Variants in BMAL2 observed in about 807,000 individuals in gnomAD.
The protein encoded by BMAL2 is basic helix-loop-helix ARNT like 2.
chr12:27,392,065 G>T, the BMAL2 span, among the ~76,000 whole-genome samples: 1 of 152,152 alleles, frequency 6.6e-6, no homozygotes, highest in African/African-American at 2.4e-5. Flanking sequence ...TTTAACACAG[G>T]AATATTCACA....
chr12:27,420,343 G>A, the BMAL2 span: 3 of 1,598,912 alleles, frequency 1.9e-6, no homozygotes, highest in Non-Finnish European at 2.6e-6. Flanking sequence ...TGTGTGAAAT[G>A]TATGACTTTA....
the BMAL2 span, chr12:27,390,027 G>C: frequency 6.4e-7 from 1 of 1,550,470 alleles, no homozygotes; most frequent in Non-Finnish European, 8.9e-7. Context: ...AAAATGTTAG[G>C]AGATAAATTT....
chr12:27,368,294 G>A, the BMAL2 span: 8 of 1,614,024 alleles, frequency 5.0e-6, 1 homozygote, highest in Admixed American at 3.3e-5. Context: ...CCAGTGCATT[G>A]CTCCTGTGGT....
At chr12:27,401,471 T>C in the BMAL2 span, 3 of 1,541,948 alleles carry the variant, frequency 1.9e-6, no homozygotes, top group Non-Finnish European at 2.7e-6. Context: ...CTTCACAACA[T>C]TGATTTTTAT....
chr12:27,337,469 C>G, the BMAL2 span, among the ~76,000 whole-genome samples: 1 of 152,278 alleles, frequency 6.6e-6, no homozygotes, highest in Admixed American at 6.5e-5. Flanking sequence ...AGGAACCTGC[C>G]TTTCCCCAAC....
At chr12:27,353,989 C>T in the BMAL2 span, among the ~76,000 whole-genome samples, 45 of 152,138 alleles carry the variant, frequency 3.0e-4, no homozygotes, top group Admixed American at 1.3e-4. Context: ...TTAGTTCAGC[C>T]ACTGTGGAAA....
At chr12:27,375,410 A>G in the BMAL2 span, among the ~76,000 whole-genome samples, 351 of 152,344 alleles carry the variant, frequency 2.3e-3, no homozygotes, top group African/African-American at 8.1e-3. Flanking sequence ...GAAACTACGC[A>G]GAAATATTCA....
the BMAL2 span, among the ~76,000 whole-genome samples, chr12:27,380,818 G>C: frequency 6.6e-6 from 1 of 151,422 alleles, no homozygotes; most frequent in African/African-American, 2.4e-5. Flanking sequence ...AAACAAGCCT[G>C]GGCAAAAAAA....
At chr12:27,389,297 G>C in the BMAL2 span, 1 of 1,555,186 alleles carries the variant, frequency 6.4e-7, no homozygotes, top group East Asian at 2.3e-5. Flanking sequence ...GATGCCAAAA[G>C]TAAGTGTCCA....
chr12:27,384,742 A>G, the BMAL2 span, among the ~76,000 whole-genome samples: 3 of 152,328 alleles, frequency 2.0e-5, no homozygotes, highest in African/African-American at 7.2e-5. Context: ...AATTATAGCA[A>G]TATACTGTAA....
At chr12:27,390,613 T>C in the BMAL2 span, 1 of 164,152 alleles carries the variant, frequency 6.1e-6, no homozygotes, top group Admixed American at 6.4e-5. Flanking sequence ...GAGCCTGATT[T>C]GACTAATTTT....
the BMAL2 span, among the ~76,000 whole-genome samples, chr12:27,384,858 G>A: frequency 6.6e-6 from 1 of 151,188 alleles, no homozygotes; most frequent in Non-Finnish European, 1.5e-5. Flanking sequence ...CACAGCTAAC[G>A]GGGGACTACT....
chr12:27,336,226 C>T, the BMAL2 span, among the ~76,000 whole-genome samples: 3 of 152,104 alleles, frequency 2.0e-5, no homozygotes, highest in African/African-American at 4.8e-5. Flanking sequence ...GCCATGTGCC[C>T]TACAGGAGGC....
the BMAL2 span, among the ~76,000 whole-genome samples, chr12:27,382,939 T>C: frequency 6.6e-6 from 1 of 152,258 alleles, no homozygotes; most frequent in Non-Finnish European, 1.5e-5. Context: ...AGCAATGTTA[T>C]GTTTTTATAA....
the BMAL2 span, among the ~76,000 whole-genome samples, chr12:27,346,951 G>C: frequency 1.3e-5 from 2 of 152,142 alleles, no homozygotes; most frequent in Non-Finnish European, 2.9e-5. Flanking sequence ...AGAGCCTGGT[G>C]CACCCTGCCC....
At chr12:27,420,312 A>G in the BMAL2 span, 80 of 1,554,238 alleles carry the variant, frequency 5.1e-5, no homozygotes, top group African/African-American at 1.0e-3. Flanking sequence ...TTTTTATCAC[A>G]ATCATTTTTT....
chr12:27,411,491 A>G, the BMAL2 span, among the ~76,000 whole-genome samples: 1 of 151,918 alleles, frequency 6.6e-6, no homozygotes, highest in African/African-American at 2.4e-5. Flanking sequence ...AGTGGGGCAC[A>G]GCGGTAGTCC....
chr12:27,420,508 C>A, the BMAL2 span: 1 of 1,603,566 alleles, frequency 6.2e-7, no homozygotes, highest in Non-Finnish European at 8.5e-7. Context: ...CTGGGGACTT[C>A]AGTGACATCC....
chr12:27,388,941 A>G, the BMAL2 span, among the ~76,000 whole-genome samples: 1 of 152,152 alleles, frequency 6.6e-6, no homozygotes, highest in African/African-American at 2.4e-5. Context: ...AATACTAGCA[A>G]TTGGTGTTTG....
Sources: allele counts gnomAD v4.1 joint callset (sites outside exome capture counted in the v4.1 genomes callset), GRCh38; gene constraint gnomAD v4.1.1; transcripts MANE v1.5; gene names NCBI Gene and HGNC (gene_info 2026-07-23, HGNC 2026-07-21).